SSBP2: variants seen among roughly 807,000 people sequenced by gnomAD.
SSBP2 encodes single stranded DNA binding protein 2.
Under a neutral mutation model 61.8 loss-of-function variants are expected in SSBP2, and 17 were observed. The ratio of observed to expected loss-of-function variants is 0.28; its 90% confidence interval spans 0.19 to 0.41. SSBP2 has a LOEUF of 0.41. Among genes scored for constraint, SSBP2 ranks in the 10% least tolerant of loss-of-function variants. The pLI, the probability that SSBP2 is intolerant of heterozygous loss-of-function variation, is 1.00. For synonymous variants in SSBP2, 139 were observed against 141.3 expected (o/e 0.98, Z 0.12); for missense variants, 310 against 458.7 (o/e 0.68, Z 2.96).
chr5:81,745,428 A>G (rs997488041), intron 1 of SSBP2, among the ~76,000 whole-genome samples: 1 of 152,242 alleles, frequency 6.6e-6, no homozygotes, highest in African/African-American at 2.4e-5. Context: ...AATCGGGAAT[A>G]TTATTTATAT....
intron 5 of SSBP2, among the ~76,000 whole-genome samples, chr5:81,499,006 A>C (rs1767498934): frequency 6.6e-6 from 1 of 152,134 alleles, no homozygotes; most frequent in Admixed American, 6.5e-5. Context: ...TAATTTGTTT[A>C]GTTTCCTTTC....
chr5:81,432,104 TGA>T (rs1185563844), intron 15 of SSBP2, among the ~76,000 whole-genome samples: 2 of 152,222 alleles, frequency 1.3e-5, no homozygotes, highest in African/African-American at 4.8e-5. Context: ...CTGCCAATAG[TGA>T]GTTTTCTAGA....
chr5:81,615,856 C>T (rs1352107364), intron 3 of SSBP2, among the ~76,000 whole-genome samples: 5 of 152,140 alleles, frequency 3.3e-5, no homozygotes, highest in Admixed American at 2.6e-4. Flanking sequence ...ATTGGAGTAG[C>T]TGTAATACTT....
intron 16 of SSBP2, among the ~76,000 whole-genome samples, chr5:81,426,349 T>A (rs1022649928): frequency 6.6e-6 from 1 of 152,244 alleles, no homozygotes; most frequent in African/African-American, 2.4e-5. Flanking sequence ...CTTCCAAGGC[T>A]GTACTACCCT....
intron 1 of SSBP2, among the ~76,000 whole-genome samples, chr5:81,658,714 C>A (rs1750439826): frequency 6.6e-6 from 1 of 152,060 alleles, no homozygotes; most frequent in Non-Finnish European, 1.5e-5. Context: ...CCAGGTTCAT[C>A]CATGTTGTCA....
intron 4 of SSBP2, among the ~76,000 whole-genome samples, chr5:81,582,209 G>A (rs1414414505): frequency 1.3e-5 from 2 of 151,910 alleles, no homozygotes; most frequent in African/African-American, 2.4e-5. Context: ...TCTCTTTAAC[G>A]AACTTTAAAG....
chr5:81,724,335 A>G (rs1027630536), intron 1 of SSBP2, among the ~76,000 whole-genome samples: 2 of 152,052 alleles, frequency 1.3e-5, no homozygotes, highest in African/African-American at 4.8e-5. Context: ...TAATTACTCC[A>G]TAATGATCTT....
At chr5:81,648,277 T>A (rs143051218) in intron 2 of SSBP2, among the ~76,000 whole-genome samples, 1 of 152,160 alleles carries the variant, frequency 6.6e-6, no homozygotes, top group Non-Finnish European at 1.5e-5. Context: ...TTCTAACTAA[T>A]GATTTCATGA....
chr5:81,678,432 T>C (rs1214671256), intron 1 of SSBP2, among the ~76,000 whole-genome samples: 1 of 151,866 alleles, frequency 6.6e-6, no homozygotes, highest in East Asian at 1.9e-4. Context: ...GGGACAACTA[T>C]AAAAATTTTA....
chr5:81,743,003 CCT>C (rs779138120), intron 1 of SSBP2, among the ~76,000 whole-genome samples: 2 of 152,170 alleles, frequency 1.3e-5, no homozygotes, highest in Non-Finnish European at 2.9e-5. Flanking sequence ...ATTGTACCAA[CCT>C]CTGTTAACCC....
chr5:81,534,565 TAAAG>T (rs1183900028), intron 4 of SSBP2, among the ~76,000 whole-genome samples: 1 of 151,948 alleles, frequency 6.6e-6, no homozygotes, highest in African/African-American at 2.4e-5. Flanking sequence ...GTTACACAAA[TAAAG>T]AATGCCTTTG....
intron 4 of SSBP2, among the ~76,000 whole-genome samples, chr5:81,517,814 T>C (rs543998842): frequency 6.6e-6 from 1 of 152,234 alleles, no homozygotes; most frequent in East Asian, 1.9e-4. Context: ...TTTTATATTT[T>C]TGTCCTGTTA....
chr5:81,523,952 C>T (rs563731922), intron 4 of SSBP2, among the ~76,000 whole-genome samples: 2 of 152,108 alleles, frequency 1.3e-5, no homozygotes, highest in East Asian at 3.9e-4. Flanking sequence ...CTGGTCATTC[C>T]CTACTTTCTC....
intron 4 of SSBP2, among the ~76,000 whole-genome samples, chr5:81,561,820 C>T (rs1335043276): frequency 6.6e-6 from 1 of 152,154 alleles, no homozygotes; most frequent in Non-Finnish European, 1.5e-5. Flanking sequence ...GTCTTGAAAA[C>T]TCACTAAAGC....
intron 1 of SSBP2, among the ~76,000 whole-genome samples, chr5:81,737,643 C>A (rs893747689): frequency 6.6e-6 from 1 of 150,970 alleles, no homozygotes; most frequent in East Asian, 1.9e-4. Context: ...AAAAAATTAG[C>A]CGGGTGTGGT....
chr5:81,718,052 GT>G (rs1297821764), intron 1 of SSBP2, among the ~76,000 whole-genome samples: 3 of 151,984 alleles, frequency 2.0e-5, no homozygotes, highest in African/African-American at 7.3e-5. Context: ...GCTAGGTGTG[GT>G]TTTTCATCAT....
At chr5:81,746,383 TTCATTAG>T (rs1322841001) in intron 1 of SSBP2, among the ~76,000 whole-genome samples, 2 of 152,254 alleles carry the variant, frequency 1.3e-5, no homozygotes, top group African/African-American at 4.8e-5. Flanking sequence ...AAGATACTCC[TTCATTAG>T]TTTTGGAAAT....
At chr5:81,750,010 T>A (rs1757618199) in intron 1 of SSBP2, among the ~76,000 whole-genome samples, 1 of 146,548 alleles carries the variant, frequency 6.8e-6, no homozygotes, top group Non-Finnish European at 1.5e-5. Context: ...ACAACTCCCC[T>A]CCGCGCGCCC....
At chr5:81,746,898 G>A (rs1038094759) in intron 1 of SSBP2, among the ~76,000 whole-genome samples, 13 of 151,770 alleles carry the variant, frequency 8.6e-5, no homozygotes, top group African/African-American at 3.1e-4. Context: ...CTATTTGCAG[G>A]TGCCAGTTAC....
Sources: allele counts gnomAD v4.1 joint callset (sites outside exome capture counted in the v4.1 genomes callset), GRCh38; gene constraint gnomAD v4.1.1; transcripts MANE v1.5; gene names NCBI Gene and HGNC (gene_info 2026-07-23, HGNC 2026-07-21).